TRPC7: variants seen among roughly 807,000 people sequenced by gnomAD.
The protein encoded by TRPC7 is short transient receptor potential channel 7.
In TRPC7, 42 loss-of-function variants were observed where a neutral mutation model predicts 90.1. That is an observed-to-expected ratio of 0.47 (90% CI 0.36 to 0.60). The LOEUF is 0.60. TRPC7 is among the 20% of genes least tolerant of loss of function. TRPC7 has a pLI of 0.00. For missense variants in TRPC7, 955 were observed against 1,112.3 expected (o/e 0.86, Z 2.01); for synonymous variants, 451 against 436.3 (o/e 1.03, Z -0.42).
chr5:136,259,484 A>G (rs940565490), intron 5 of TRPC7, among the ~76,000 whole-genome samples: 1 of 152,260 alleles, frequency 6.6e-6, no homozygotes, highest in Non-Finnish European at 1.5e-5. Flanking sequence ...TTTTACTACC[A>G]TACCAGGCAT....
At chr5:136,302,820 C>T (rs1392799193) in intron 3 of TRPC7, among the ~76,000 whole-genome samples, 1 of 152,136 alleles carries the variant, frequency 6.6e-6, no homozygotes, top group Non-Finnish European at 1.5e-5. Context: ...CATTCTTTTA[C>T]ACATCAGTCC....
At chr5:136,360,482 AT>A (rs142375830) in intron 1 of TRPC7, among the ~76,000 whole-genome samples, 4,512 of 152,246 alleles carry the variant, frequency 0.03, 93 homozygotes, top group Non-Finnish European at 0.044. Flanking sequence ...ATCAAAAAAA[AT>A]ATGTGTATAG....
chr5:136,302,256 G>T (rs891128892), intron 3 of TRPC7, among the ~76,000 whole-genome samples: 1 of 152,178 alleles, frequency 6.6e-6, no homozygotes, highest in East Asian at 1.9e-4. Context: ...ACGCAGGGAC[G>T]CCTGCCTTGG....
intron 7 of TRPC7, among the ~76,000 whole-genome samples, chr5:136,237,452 T>G (rs1169567178): frequency 6.6e-6 from 1 of 152,174 alleles, no homozygotes; most frequent in Non-Finnish European, 1.5e-5. Flanking sequence ...TTCAACAAAT[T>G]CAAAGTCAGC....
chr5:136,346,844 A>G (rs1760022655), intron 2 of TRPC7, among the ~76,000 whole-genome samples: 1 of 152,172 alleles, frequency 6.6e-6, no homozygotes. Flanking sequence ...AGCACCCCGC[A>G]GCCCAATGCA....
chr5:136,292,359 G>T (rs1349650955), intron 3 of TRPC7, among the ~76,000 whole-genome samples: 1 of 152,092 alleles, frequency 6.6e-6, no homozygotes, highest in Non-Finnish European at 1.5e-5. Flanking sequence ...CCAGGAGCTG[G>T]TTTTTTGAAA....
At chr5:136,269,225 T>G (rs911027276) in intron 4 of TRPC7, among the ~76,000 whole-genome samples, 5 of 152,120 alleles carry the variant, frequency 3.3e-5, no homozygotes, top group Non-Finnish European at 5.9e-5. Flanking sequence ...TGAGAACACA[T>G]CAGGAAATTA....
At chr5:136,320,368 CT>C (rs370654754) in intron 2 of TRPC7, among the ~76,000 whole-genome samples, 42 of 152,278 alleles carry the variant, frequency 2.8e-4, no homozygotes, top group African/African-American at 9.4e-4. Context: ...CTCTCCGACT[CT>C]GTCCTTGTCC....
intron 3 of TRPC7, among the ~76,000 whole-genome samples, chr5:136,277,917 A>G (rs2149816711): frequency 6.6e-6 from 1 of 152,270 alleles, no homozygotes; most frequent in Admixed American, 6.5e-5. Flanking sequence ...CAGCGACATG[A>G]TTCATATTCA....
intron 3 of TRPC7, among the ~76,000 whole-genome samples, chr5:136,312,972 C>CT (rs34840823): frequency 0.29 from 28,183 of 96,790 alleles, 4,561 homozygotes; most frequent in Admixed American, 0.37. Flanking sequence ...AGTAGTGATT[C>CT]TTTTTTTTTT....
intron 3 of TRPC7, among the ~76,000 whole-genome samples, chr5:136,293,441 G>A (rs1580912423): frequency 6.6e-6 from 1 of 152,308 alleles, no homozygotes; most frequent in East Asian, 1.9e-4. Context: ...CTTCAGCAAA[G>A]TCTCAGGATA....
intron 7 of TRPC7, among the ~76,000 whole-genome samples, chr5:136,237,348 C>T (rs1756014629): frequency 6.6e-6 from 1 of 152,126 alleles, no homozygotes; most frequent in African/African-American, 2.4e-5. Flanking sequence ...TTTCACTGTA[C>T]CCCATGCAGC....
chr5:136,300,133 A>G (rs1248937753), intron 3 of TRPC7, among the ~76,000 whole-genome samples: 1 of 152,242 alleles, frequency 6.6e-6, no homozygotes, highest in Non-Finnish European at 1.5e-5. Context: ...GCAAAAAGCA[A>G]TAGTTTTCTG....
At chr5:136,265,003 A>G (rs928908723) in intron 5 of TRPC7, among the ~76,000 whole-genome samples, 3 of 152,148 alleles carry the variant, frequency 2.0e-5, no homozygotes, top group African/African-American at 7.2e-5. Context: ...TCGAATTTAG[A>G]GAGCATTTTT....
chr5:136,213,665 T>G, intron 11 of TRPC7, 61 bp from the exon 12 acceptor site: 1 of 1,572,086 alleles, frequency 6.4e-7, no homozygotes, highest in Non-Finnish European at 8.7e-7. Flanking sequence ...GCTTGTCCCA[T>G]GCACATGTGG....
At chr5:136,239,511 G>A (rs745552770) in intron 7 of TRPC7, among the ~76,000 whole-genome samples, 2 of 152,188 alleles carry the variant, frequency 1.3e-5, no homozygotes, top group South Asian at 2.1e-4. Flanking sequence ...CAGGTAAACC[G>A]GCAGTAGGCC....
Position 136,315,595 on chromosome 5 carries a change from A to G in TRPC7, c.963+2T>C, listed in dbSNP as rs780072849. ...AAGACCAGGAGAGATGGGGGAGCTT[A>G]CCTTCTTGACTTCATATTTAATGGC... On this transcript the variant is annotated splice_donor_variant, in intron 3 of 11. Transcript: ENST00000513104. LOFTEE classifies it high-confidence loss of function. The G allele has an allele frequency of 2.5e-6, 4 of 1,613,502 alleles. No individual in the cohort carries two copies. Among genetic ancestry groups the G allele is most frequent in the Non-Finnish European group, 1.7e-6 (2 of 1,179,584 alleles).
Position 136,213,468 on chromosome 5 carries a change from G to A in TRPC7, c.2556C>T (p.Asp852=), listed in dbSNP as rs377745502. 482 of 1,613,874 alleles carry A rather than the reference G, an allele frequency of 3.0e-4. No individual in the cohort carries two copies. Among genetic ancestry groups the A allele is most frequent in the Non-Finnish European group, 4.0e-4 (473 of 1,179,904 alleles). ...SEKFGKNLNK[D]HLRVNKGKDI ...CTTTGCCCTTGTTCACCCTCAGGTG[G>A]TCTTTGTTTAAGTTCTTTCCAAACT... Residue 852 remains aspartate (D), a synonymous_variant, in exon 12 of 12, where the codon GAC becomes GAT. Transcript: ENST00000513104.
intron 2 of TRPC7, among the ~76,000 whole-genome samples, chr5:136,327,037 T>C (rs950616493): frequency 9.9e-5 from 15 of 152,176 alleles, no homozygotes; most frequent in Non-Finnish European, 4.4e-5. Flanking sequence ...TTTGCATTTA[T>C]TGGTCATGGC....
Sources: allele counts gnomAD v4.1 joint callset (sites outside exome capture counted in the v4.1 genomes callset), GRCh38; gene constraint gnomAD v4.1.1; transcripts MANE v1.5; gene names NCBI Gene and HGNC (gene_info 2026-07-23, HGNC 2026-07-21).